CC2D2A: variants seen among roughly 807,000 people sequenced by gnomAD.
CC2D2A encodes coiled-coil and C2 domain-containing protein 2A.
CC2D2A carries 155 observed loss-of-function variants against 212.9 expected under a neutral mutation model. The observed-to-expected ratio is 0.73, with a 90% CI of 0.64 to 0.83. CC2D2A has a LOEUF of 0.83. Ranked by LOEUF, CC2D2A falls within the 40% of genes least tolerant of loss-of-function variation. CC2D2A has a pLI of 0.00. For missense variants in CC2D2A, 1,856 were observed against 1,956.2 expected (o/e 0.95, Z 0.97); for synonymous variants, 667 against 686.5 (o/e 0.97, Z 0.44).
At chr4:15,513,497 C>T (rs375245125) in intron 8 of CC2D2A, among the ~76,000 whole-genome samples, 1 of 152,218 alleles carries the variant, frequency 6.6e-6, no homozygotes, top group South Asian at 2.1e-4. Context: ...TATTCACTGC[C>T]CCAGAAGCTC....
Position 15,514,804 on chromosome 4 carries a change from A to T in CC2D2A, c.815A>T (p.Tyr272Phe). 2 of 1,614,002 alleles carry T rather than the reference A, an allele frequency of 1.2e-6. No individual in the cohort carries two copies. The highest frequency in any genetic ancestry group is 1.7e-6 in the Non-Finnish European group (2 of 1,179,842). The change falls in exon 9 of 37, where the codon TAT (tyrosine) becomes TTT (phenylalanine). Residue 272 changes from tyrosine (Y) to phenylalanine (F), a missense_variant. Physicochemically the swap from Tyr to Phe is conservative, Grantham distance 22 (BLOSUM62 3). Around this residue, in one of 5 missense-constraint regions of CC2D2A, gnomAD observed 1,512 missense variants for 1,579.3 expected, o/e 0.96. Coordinates refer to ENST00000424120, the MANE Select transcript of CC2D2A (RefSeq NM_001378615.1). ...TTTGTAGCAGTCAGACCTGCAGATT[A>T]TGAAAGCATCCATGATCGGCTGCAG... is the stretch of plus-strand genomic sequence containing the variant. ...DDFVAVRPAD[Y>F]ESIHDRLQME... is the part of the protein sequence containing the mutation.
chr4:15,470,703 A>C (rs62289312), intron 1 of CC2D2A, among the ~76,000 whole-genome samples: 3,202 of 44,264 alleles, frequency 0.072, 65 homozygotes, highest in African/African-American at 0.16. Context: ...ATATATATAT[A>C]TATATATATA....
intron 17 of CC2D2A, among the ~76,000 whole-genome samples, chr4:15,548,699 A>T (rs906552934): frequency 6.6e-6 from 1 of 152,218 alleles, no homozygotes; most frequent in African/African-American, 2.4e-5. Flanking sequence ...CCAGTGCAAT[A>T]AATGATAACT....
chr4:15,489,614 C>G lies in CC2D2A; in HGVS notation c.247+8787C>G, dbSNP rs184357924. Among the ~76,000 whole-genome samples, 9 of 152,306 alleles carry G rather than the reference C, an allele frequency of 5.9e-5. No individual in the cohort carries two copies. The South Asian group carries it at 1.9e-3, about 32-fold the overall frequency. On this transcript the variant is annotated intron_variant, in intron 4 of 36. Coordinates refer to ENST00000424120, the MANE Select transcript of CC2D2A (RefSeq NM_001378615.1). Reference sequence around the variant, plus strand: ...CAAACAAAAAAATAAAACTTCTTTACAGCAAAATTCTTTCAAACTCATTTT... The same window carrying G: ...CAAACAAAAAAATAAAACTTCTTTAGAGCAAAATTCTTTCAAACTCATTTT...
At chr4:15,579,256 G>A (rs1331942736) in intron 29 of CC2D2A, among the ~76,000 whole-genome samples, 1 of 152,004 alleles carries the variant, frequency 6.6e-6, no homozygotes, top group Non-Finnish European at 1.5e-5. Flanking sequence ...TTGAGCCCAG[G>A]AGTTTGAGGG....
intron 21 of CC2D2A, among the ~76,000 whole-genome samples, chr4:15,558,805 A>G (rs1428968245): frequency 6.6e-6 from 1 of 152,208 alleles, no homozygotes; most frequent in Non-Finnish European, 1.5e-5. Flanking sequence ...CAGATGTTAT[A>G]TGATTATGGT....
At chr4:15,470,681 CTCTCTCTCTATATATATATATATATATA>C (rs1194692764) in intron 1 of CC2D2A, among the ~76,000 whole-genome samples, 82 of 57,348 alleles carry the variant, frequency 1.4e-3, no homozygotes, top group Admixed American at 2.4e-3. Context: ...CTCTCTCTCT[CTCTCTCTCTATATATATATATATATATA>C]TATATATATA....
chr4:15,594,019 C>A (rs1468086653), intron 33 of CC2D2A, among the ~76,000 whole-genome samples: 1 of 152,084 alleles, frequency 6.6e-6, no homozygotes, highest in Admixed American at 6.6e-5. Flanking sequence ...TGATCTGATA[C>A]CCACCCTACC....
At chr4:15,563,614 G>T (rs904601799) in intron 24 of CC2D2A, 92 bp downstream of exon 24, 3 of 1,385,908 alleles carry the variant, frequency 2.2e-6, no homozygotes, top group East Asian at 2.5e-5. Context: ...CATTCTTAAC[G>T]TGGTTATTGT....
intron 7 of CC2D2A, among the ~76,000 whole-genome samples, chr4:15,510,676 T>C (rs920257979): frequency 2.0e-5 from 3 of 151,902 alleles, no homozygotes; most frequent in African/African-American, 7.3e-5. Context: ...GTATGAGAAG[T>C]GATTCCAACT....
At chr4:15,481,675 C>T (rs530441949) in intron 4 of CC2D2A, 4 of 567,300 alleles carry the variant, frequency 7.1e-6, no homozygotes, top group Admixed American at 1.3e-4. Context: ...GCACAGTCTG[C>T]AGAACAGTGA....
chr4:15,580,587 A>C (rs988425069), intron 30 of CC2D2A, among the ~76,000 whole-genome samples: 6 of 149,764 alleles, frequency 4.0e-5, no homozygotes, highest in Admixed American at 1.3e-4. Context: ...TCAGTGAGCC[A>C]AAATTGTGTC....
chr4:15,486,879 A>AT (rs1444629718), intron 4 of CC2D2A, among the ~76,000 whole-genome samples: 1 of 151,464 alleles, frequency 6.6e-6, no homozygotes, highest in Non-Finnish European at 1.5e-5. Context: ...TCAATTTTTT[A>AT]TTTTTTTAAT....
intron 13 of CC2D2A, among the ~76,000 whole-genome samples, chr4:15,528,954 C>G (rs996162049): frequency 2.1e-4 from 32 of 152,214 alleles, no homozygotes; most frequent in African/African-American, 7.7e-4. Flanking sequence ...AGTGCTACAG[C>G]TACCGCTTCT....
chr4:15,601,124 C>A, intron 36 of CC2D2A, 113 bp from the exon 37 acceptor site: 1 of 824,844 alleles, frequency 1.2e-6, no homozygotes, highest in Non-Finnish European at 1.8e-6. Flanking sequence ...TAGAAAAACA[C>A]AAGCAAATAA....
At chr4:15,494,414 T>TA (rs1715491952) in intron 4 of CC2D2A, among the ~76,000 whole-genome samples, 1 of 152,176 alleles carries the variant, frequency 6.6e-6, no homozygotes, top group Non-Finnish European at 1.5e-5. Context: ...GAAAAAAAGA[T>TA]AGTGACCAGA....
At chr4:15,559,053 G>T (rs1719433509) in intron 21 of CC2D2A, 112 bp from the exon 22 acceptor site, 2 of 727,782 alleles carry the variant, frequency 2.7e-6, no homozygotes, top group East Asian at 5.7e-5. Context: ...GAAGGTGGAA[G>T]AAATATTTAA....
chr4:15,542,290 T>C (rs1486453679), intron 17 of CC2D2A, among the ~76,000 whole-genome samples: 1 of 152,154 alleles, frequency 6.6e-6, no homozygotes, highest in Non-Finnish European at 1.5e-5. Context: ...CGGTGACTCT[T>C]CTCCCACAAT....
At chr4:15,597,384 C>A in intron 34 of CC2D2A, 23 bp from the exon 35 acceptor site, 1 of 1,526,828 alleles carries the variant, frequency 6.5e-7, no homozygotes, top group South Asian at 1.2e-5. Flanking sequence ...TTTATACTTT[C>A]TGAACTATTT....
Sources: gnomAD v4.1 joint callset for allele counts (sites outside exome capture counted in the v4.1 genomes callset) on GRCh38, gnomAD v4.1.1 for gene constraint, gnomAD v4.1.1 regional missense constraint, MANE v1.5 for transcripts, NCBI Gene and HGNC (gene_info 2026-07-23, HGNC 2026-07-21) for gene names.